TRIM2: variants seen among roughly 807,000 people sequenced by gnomAD.
The protein encoded by TRIM2 is tripartite motif containing 2.
In TRIM2, 20 loss-of-function variants were observed where a neutral mutation model predicts 75.2. The ratio of observed to expected loss-of-function variants is 0.27; its 90% CI spans 0.19 to 0.39. The LOEUF (loss-of-function observed/expected upper bound fraction) is 0.39, where lower values mean the gene tolerates loss of function less well. Among genes scored for constraint, TRIM2 ranks in the 10% least tolerant of loss-of-function variants. The pLI, the probability that TRIM2 is intolerant of heterozygous loss-of-function variation, is 1.00. For synonymous variants in TRIM2, 373 were observed against 388.3 expected, an observed-to-expected ratio of 0.96 and a Z score of 0.46; for missense variants, 660 against 990.8, an observed-to-expected ratio of 0.67 and a Z score of 4.48.
At chr4:153,153,691 T>C (rs1417655683) in intron 1 of TRIM2, among the ~76,000 whole-genome samples, 1 of 152,224 alleles carries the variant, frequency 6.6e-6, no homozygotes, top group Non-Finnish European at 1.5e-5. Flanking sequence ...TGGGGACCTT[T>C]GTGCGCTGCG....
chr4:153,286,937 TA>T (rs1489573821), intron 3 of TRIM2, among the ~76,000 whole-genome samples: 1 of 151,844 alleles, frequency 6.6e-6, no homozygotes, highest in Non-Finnish European at 1.5e-5. Context: ...TTGCATGAAA[TA>T]TTTTTTTCAT....
chr4:153,319,717 C>CAA (rs1768502369), intron 8 of TRIM2, among the ~76,000 whole-genome samples: 1 of 151,378 alleles, frequency 6.6e-6, no homozygotes, highest in African/African-American at 2.4e-5. Context: ...GCAACAAGAG[C>CAA]AAAACTCTGT....
At chr4:153,270,022 G>T (rs1756252306) in intron 1 of TRIM2, among the ~76,000 whole-genome samples, 1 of 152,046 alleles carries the variant, frequency 6.6e-6, no homozygotes, top group Admixed American at 6.6e-5. Flanking sequence ...TCTGCCTCCT[G>T]GGTTCAGGTG....
At chr4:153,231,838 C>T (rs892578886) in intron 1 of TRIM2, among the ~76,000 whole-genome samples, 2 of 152,118 alleles carry the variant, frequency 1.3e-5, no homozygotes, top group African/African-American at 4.8e-5. Context: ...GATTAGGGCC[C>T]ACTCTAATGA....
chr4:153,334,414 G>C (rs1295267256), intron 11 of TRIM2, among the ~76,000 whole-genome samples: 2 of 147,330 alleles, frequency 1.4e-5, no homozygotes, highest in Non-Finnish European at 3.0e-5. Flanking sequence ...TTTTTTAAGA[G>C]ACGGGGTCTC....
intron 1 of TRIM2, among the ~76,000 whole-genome samples, chr4:153,229,169 G>T (rs985674135): frequency 1.2e-4 from 18 of 152,114 alleles, no homozygotes; most frequent in African/African-American, 3.4e-4. Context: ...AAAGAAATTC[G>T]ATTTCTTAGG....
intron 1 of TRIM2, among the ~76,000 whole-genome samples, chr4:153,178,130 T>C (rs10029159): frequency 0.58 from 87,808 of 151,802 alleles, 26,239 homozygotes; most frequent in African/African-American, 0.74. Context: ...CAAATCAAGT[T>C]CTCTTCAGAA....
chr4:153,195,572 C>T (rs1733681916), intron 1 of TRIM2, among the ~76,000 whole-genome samples: 1 of 152,124 alleles, frequency 6.6e-6, no homozygotes, highest in African/African-American at 2.4e-5. Context: ...AGGAGAGAGG[C>T]GGATTCTCCT....
intron 1 of TRIM2, among the ~76,000 whole-genome samples, chr4:153,263,345 A>G (rs897188551): frequency 6.6e-5 from 10 of 152,096 alleles, no homozygotes; most frequent in African/African-American, 2.4e-4. Flanking sequence ...AAAAAAAAAA[A>G]GACTATCACA....
At position 153,206,696 on chromosome 4, in the gene TRIM2, G is replaced by A. The variant is rs1735539545; in HGVS notation, c.30+2136G>A. On this transcript the variant is annotated intron_variant, in intron 1 of 11. Coordinates refer to ENST00000338700, the MANE Select transcript of TRIM2 (RefSeq NM_015271.5). ...CCCCTCTTTGCTCCCTGGAAACAGGGTCAGGGGGTGTGTATGGGTGGAGTA... is the reference window on the plus strand; with the variant it reads ...CCCCTCTTTGCTCCCTGGAAACAGGATCAGGGGGTGTGTATGGGTGGAGTA... Among the ~76,000 whole-genome samples the A allele has an allele frequency of 5.3e-5, 8 of 152,254 alleles. No individual in the cohort carries two copies. The South Asian group carries it at 1.7e-3, about 32-fold the overall frequency.
rs6847052 is a variant in TRIM2 at position 153,248,983 on chromosome 4, G to C, written c.31-21352G>C. Among the ~76,000 whole-genome samples, 96,591 of 152,162 alleles carry C rather than the reference G, an allele frequency of 0.63. 31,333 individuals carry two copies. The highest frequency in any genetic ancestry group is 0.77 in the African/African-American group (31,880 of 41,520). On this transcript the variant is annotated intron_variant, in intron 1 of 11. Coordinates refer to ENST00000338700, the MANE Select transcript of TRIM2 (RefSeq NM_015271.5). This position sits in a 1 kb window ranked among gnomAD's most constrained non-coding sequence, Gnocchi z 4.0. ...CCAGGGTTAGCAGGCAAAGAGCTGTGGACCCCGGACACGGGAAAAGGCCAC... is the reference window on the plus strand; with the variant it reads ...CCAGGGTTAGCAGGCAAAGAGCTGTCGACCCCGGACACGGGAAAAGGCCAC...
intron 1 of TRIM2, among the ~76,000 whole-genome samples, chr4:153,168,355 T>C (rs562418788): frequency 5.6e-4 from 86 of 152,316 alleles, no homozygotes; most frequent in South Asian, 1.2e-3. Context: ...TTTGATAATA[T>C]GTTTTCCTAG....
chr4:153,293,600 T>C (rs1025175497), intron 4 of TRIM2, among the ~76,000 whole-genome samples: 3 of 152,168 alleles, frequency 2.0e-5, no homozygotes, highest in African/African-American at 7.2e-5. Flanking sequence ...GTTCCTTCTT[T>C]GGCACAGAAA....
chr4:153,287,733 T>C (rs1760973688), intron 3 of TRIM2, among the ~76,000 whole-genome samples: 1 of 152,368 alleles, frequency 6.6e-6, no homozygotes, highest in South Asian at 2.1e-4. Context: ...TGTTGTATGC[T>C]CAGCTACATA....
At chr4:153,235,321 G>A (rs1040148908) in intron 1 of TRIM2, among the ~76,000 whole-genome samples, 8 of 150,754 alleles carry the variant, frequency 5.3e-5, no homozygotes, top group African/African-American at 1.5e-4. Flanking sequence ...GTCTTGCTCT[G>A]TTGCCCAGGT....
At chr4:153,287,705 T>C (rs528701907) in intron 3 of TRIM2, among the ~76,000 whole-genome samples, 82 of 152,246 alleles carry the variant, frequency 5.4e-4, no homozygotes, top group Non-Finnish European at 1.0e-3. Context: ...TCCTTGCTTC[T>C]TTTAGCTTGT....
chr4:153,236,300 A>G (rs1234912577), intron 1 of TRIM2, among the ~76,000 whole-genome samples: 1 of 152,058 alleles, frequency 6.6e-6, no homozygotes, highest in Middle Eastern at 3.4e-3. Context: ...CTTCTATTGC[A>G]TGTTCTAGCC....
Position 153,338,042 on chromosome 4 carries a change from A to G in TRIM2, c.*3076A>G. 2.0e-6 allele frequency: 2 copies of G among 985,808 alleles called. No homozygotes were observed. Among genetic ancestry groups the G allele is most frequent in the Non-Finnish European group, 1.2e-6 (1 of 829,924 alleles). The allele number at this position is 985,808 out of a possible 1,614,324, so 61.1% of individuals were successfully genotyped here. On this transcript the variant is annotated 3_prime_UTR_variant, in exon 12 of 12. Coordinates refer to ENST00000338700, the MANE Select transcript of TRIM2 (RefSeq NM_015271.5). ...GATCAAACTTTAGTCTCCAGAACTA[A>G]ACAAGTCCCTAAGTTTCCTTATTTT... is the stretch of plus-strand genomic sequence containing the variant.
At chr4:153,252,404 T>A (rs2149932817) in intron 1 of TRIM2, among the ~76,000 whole-genome samples, 1 of 152,340 alleles carries the variant, frequency 6.6e-6, no homozygotes, top group African/African-American at 2.4e-5. Flanking sequence ...GGTTACTCCA[T>A]CCTGGGCTGG....
Sources: gnomAD v4.1 joint callset for allele counts (sites outside exome capture counted in the v4.1 genomes callset) on GRCh38, gnomAD v4.1.1 for gene constraint, Gnocchi (gnomAD v3.1) non-coding constraint, MANE v1.5 for transcripts, NCBI Gene and HGNC (gene_info 2026-07-23, HGNC 2026-07-21) for gene names.